ADGRG2: variants seen among roughly 807,000 people sequenced by gnomAD.
ADGRG2 encodes the protein adhesion G protein-coupled receptor G2, also known as G protein-coupled receptor 64.
In ADGRG2, 26 loss-of-function variants were observed where a neutral mutation model predicts 74.1. The ratio of observed to expected loss-of-function variants is 0.35; its 90% CI spans 0.26 to 0.49. ADGRG2 has a LOEUF of 0.49. Ranked by LOEUF, ADGRG2 falls within the 20% of genes least tolerant of loss-of-function variation. The probability of loss-of-function intolerance (pLI) is 0.99; values close to 1 mark genes in which losing one functional copy is unlikely to be tolerated. For missense variants in ADGRG2, 619 were observed against 763.1 expected, an observed-to-expected ratio of 0.81 and a Z score of 2.22; for synonymous variants, 296 against 295.2, an observed-to-expected ratio of 1.00 and a Z score of -0.03.
chrX:19,094,157 G>A (rs2062058218), intron 1 of ADGRG2, among the ~76,000 whole-genome samples: 1 of 111,233 alleles, frequency 9.0e-6, no homozygotes, highest in Non-Finnish European at 1.9e-5. Flanking sequence ...TAGACATAGA[G>A]TATGGATAGA....
rs751741116 is a variant in ADGRG2, at chrX:19,021,126, T to C, written c.621A>G (p.Glu207=). 20 of 1,095,326 alleles carry C rather than the reference T, an allele frequency of 1.8e-5. No individual in the cohort carries two copies. Among genetic ancestry groups the C allele is most frequent in the Non-Finnish European group, 2.5e-5 (20 of 791,261 alleles). The allele number at this position is 1,095,326 out of a possible 1,213,427, so 90.3% of individuals were successfully genotyped here. A position where few individuals can be genotyped will look rare whatever the true frequency, so the allele number is the denominator to read the frequency against. Residue 207 remains glutamate, a synonymous_variant, in exon 14 of 29, where the codon GAA becomes GAG. Transcript: ENST00000379869. The part of the protein sequence containing the change: ...MNACAVIAAL[E]RVKIRPMEHC... ...TACCCATTGGTCGAATCTTTACTCT[T>C]TCCAAAGCAGCTATTACAGCACATG...
At chrX:19,027,783 G>T (rs959947930) in intron 10 of ADGRG2, among the ~76,000 whole-genome samples, 11 of 112,195 alleles carry the variant, frequency 9.8e-5, no homozygotes, top group Non-Finnish European at 1.9e-4. Flanking sequence ...AACCAATCTA[G>T]GTTTTGGGAA....
intron 17 of ADGRG2, 90 bp from the exon 18 acceptor site, chrX:19,009,872 G>A (rs1401533264): frequency 1.1e-5 from 8 of 708,756 alleles, no homozygotes; most frequent in African/African-American, 1.1e-4. Context: ...GTGCAGTGGC[G>A]TGATCTCGGC....
intron 11 of ADGRG2, among the ~76,000 whole-genome samples, chrX:19,024,336 C>T: frequency 9.0e-6 from 1 of 111,396 alleles, no homozygotes; most frequent in Non-Finnish European, 1.9e-5. Flanking sequence ...CTGATTTCTT[C>T]CTCATCCCGT....
chrX:19,054,253 C>T (rs1231442625), intron 3 of ADGRG2, among the ~76,000 whole-genome samples: 1 of 111,857 alleles, frequency 8.9e-6, no homozygotes, highest in Non-Finnish European at 1.9e-5. Context: ...AAGCAGAGGG[C>T]TTCAGGAAAT....
intron 4 of ADGRG2, chrX:19,039,353 A>G: frequency 3.0e-6 from 1 of 329,245 alleles, no homozygotes; most frequent in Non-Finnish European, 5.9e-6. Flanking sequence ...TTCCAGATAC[A>G]TAGTAGTGCA....
chrX:19,069,459 T>C (rs2061617797), intron 2 of ADGRG2, among the ~76,000 whole-genome samples: 1 of 109,951 alleles, frequency 9.1e-6, no homozygotes, highest in African/African-American at 3.3e-5. Flanking sequence ...GGTAGAAGAG[T>C]GTGGCCCTAG....
chrX:19,055,677 C>T (rs1351636383), intron 3 of ADGRG2, among the ~76,000 whole-genome samples: 36 of 109,569 alleles, frequency 3.3e-4, no homozygotes, highest in Non-Finnish European at 7.6e-5. Flanking sequence ...CTGGAGAGCA[C>T]GATGCGGCAG....
intron 2 of ADGRG2, among the ~76,000 whole-genome samples, chrX:19,069,176 C>T (rs1441406582): frequency 9.0e-6 from 1 of 111,448 alleles, no homozygotes; most frequent in Non-Finnish European, 1.9e-5. Context: ...AATAATTATC[C>T]TTCTCTATGT....
At position 19,003,078 on chromosome X, in the gene ADGRG2, G is replaced by A. The variant is rs1303411045; in HGVS notation, c.1998C>T (p.Ile666=). Residue 666 remains isoleucine, a synonymous_variant, in exon 24 of 29, where the codon ATC becomes ATT. Transcript: ENST00000379869. ...GCAGAAGCAGAGCAGCACACAGCTG[G>A]ATGAGGATTTTGGAAGGGTAATCCC... The part of the protein sequence containing the change: ...IRRDYPSKIL[I]QLCAALLLLN... The A allele has an allele frequency of 8.3e-7, 1 of 1,203,085 alleles. No homozygotes were observed. The highest frequency in any genetic ancestry group is 1.1e-6 in the Non-Finnish European group (1 of 887,631).
intron 2 of ADGRG2, among the ~76,000 whole-genome samples, chrX:19,076,024 C>T (rs959194691): frequency 8.9e-6 from 1 of 112,119 alleles, no homozygotes; most frequent in Non-Finnish European, 1.9e-5. Context: ...AGGCTTTGCC[C>T]TTATTCTTCC....
In ADGRG2 at chrX:18,994,941, T is replaced by C. The variant is rs1389839140; in HGVS notation, c.2824A>G (p.Thr942Ala). The part of the protein sequence containing the change: ...QSSSNSTNST[T>A]LLVNNDCSVH... ...GAGCAATCATTATTCACTAGCAGTGTGGTGGAGTTAGTGGAGTTACTGCTT... is the reference window on the plus strand; with the variant it reads ...GAGCAATCATTATTCACTAGCAGTGCGGTGGAGTTAGTGGAGTTACTGCTT... The change falls in exon 28 of 29, where the codon ACA becomes GCA. Residue 942 changes from threonine (T) to alanine (A), a missense_variant. Around this residue, in one of 3 missense-constraint regions of ADGRG2, gnomAD observed 106 missense variants for 104.5 expected, o/e 1.01. Transcript: ENST00000379869. 3 of 1,202,073 alleles carry C rather than the reference T, an allele frequency of 2.5e-6. No individual in the cohort carries two copies. The highest frequency in any genetic ancestry group is 3.4e-6 in the Non-Finnish European group (3 of 886,913).
intron 3 of ADGRG2, among the ~76,000 whole-genome samples, chrX:19,055,224 C>G (rs897186401): frequency 9.1e-6 from 1 of 109,553 alleles, no homozygotes. Context: ...AGGACAAATC[C>G]CTGTAGCAAA....
In ADGRG2 at chrX:19,001,842, T is replaced by C. The variant is rs375033483; in HGVS notation, c.2230+1004A>G. Among the ~76,000 whole-genome samples, 18 of 111,424 alleles carry C rather than the reference T, an allele frequency of 1.6e-4. No homozygotes were observed. The East Asian group carries it at 4.3e-3, about 27-fold the overall frequency. On this transcript the variant is annotated intron_variant, in intron 24 of 28. Transcript: ENST00000379869. ...AGACGGAGAGCCAGGCTTGCTGTTT[T>C]CTAGCTTTGTGAATTGGGGGGATAT...
In ADGRG2 at chrX:19,104,720, C is replaced by A. The variant is rs970466042; in HGVS notation, c.-47+17722G>T. Among the ~76,000 whole-genome samples the A allele has an allele frequency of 5.5e-5, 6 of 108,929 alleles. No individual in the cohort carries two copies. In the Admixed American group the frequency reaches 5.9e-4, roughly 11 times the overall value. 94.6% of individuals were successfully genotyped at this position (108,929 alleles called of 115,157 possible). On this transcript the variant is annotated intron_variant, in intron 1 of 28. Transcript: ENST00000379869. ...TTGAGTGAGGCCAGGAGTTGAAGAC[C>A]AGCCTGGTCAACATGGTGAAACCCC...
At chrX:19,094,832 G>T (rs2062069737) in intron 1 of ADGRG2, among the ~76,000 whole-genome samples, 1 of 112,625 alleles carries the variant, frequency 8.9e-6, no homozygotes, top group Non-Finnish European at 1.9e-5. Flanking sequence ...GCCTTGGATG[G>T]TGGAAACTCC....
chrX:19,021,793 G>A (rs1172047270), intron 13 of ADGRG2, among the ~76,000 whole-genome samples: 3 of 110,167 alleles, frequency 2.7e-5, no homozygotes, highest in African/African-American at 9.9e-5. Context: ...GATTACAGCC[G>A]TGTATCACCA....
chrX:19,008,819 G>C (rs181951270), intron 18 of ADGRG2, among the ~76,000 whole-genome samples: 60 of 112,078 alleles, frequency 5.4e-4, no homozygotes, highest in African/African-American at 1.8e-3. Flanking sequence ...TTAGTGACCA[G>C]TTAGAGTCAA....
chrX:19,068,685 A>G lies in ADGRG2; in HGVS notation c.118+32T>C, dbSNP rs767356552. Reference sequence around the variant, plus strand: ...AATACACACATGCAGATAAACAGAAAAAAAAAAAATGAAGAAAAACAGACA... The same window carrying G: ...AATACACACATGCAGATAAACAGAAGAAAAAAAAATGAAGAAAAACAGACA... On this transcript the variant is annotated intron_variant, in intron 3 of 28. Transcript: ENST00000379869. 8 of 677,660 alleles carry G rather than the reference A, an allele frequency of 1.2e-5. No homozygotes were observed. In the African/African-American group the frequency reaches 1.3e-4, roughly 11 times the overall value. 55.8% of individuals were successfully genotyped at this position (677,660 alleles called of 1,213,427 possible). A position where few individuals can be genotyped will look rare whatever the true frequency, so the allele number is the denominator to read the frequency against.
Sources: gnomAD v4.1 joint callset for allele counts (sites outside exome capture counted in the v4.1 genomes callset) on GRCh38, gnomAD v4.1.1 for gene constraint, gnomAD v4.1.1 regional missense constraint, MANE v1.5 for transcripts, NCBI Gene and HGNC (gene_info 2026-07-23, HGNC 2026-07-21) for gene names.